Variants in ADAMTS18 observed in about 807,000 individuals in gnomAD.
The protein encoded by ADAMTS18 is A disintegrin and metalloproteinase with thrombospondin motifs 18.
ADAMTS18 carries 157 observed loss-of-function variants against 165.9 expected under a neutral mutation model. The ratio of observed to expected loss-of-function variants is 0.95; its 90% CI spans 0.83 to 1.08. The LOEUF (loss-of-function observed/expected upper bound fraction) is 1.08, where lower values mean the gene tolerates loss of function less well. ADAMTS18 is among the 50% of genes least tolerant of loss of function. ADAMTS18 has a pLI of 0.00. For synonymous variants in ADAMTS18, 782 were observed against 578.2 expected, an observed-to-expected ratio of 1.35 and a Z score of -5.06; for missense variants, 2,040 against 1,534.0, an observed-to-expected ratio of 1.33 and a Z score of -5.51.
In ADAMTS18 at chr16:77,320,030, A is replaced by G. The variant is rs1157805153; in HGVS notation, c.2351T>C (p.Val784Ala). The change falls in exon 16 of 23, where the codon GTT (valine) becomes GCT (alanine). Residue 784 changes from valine to alanine, a missense_variant. Coordinates refer to ENST00000282849, the MANE Select transcript of ADAMTS18 (RefSeq NM_199355.4). The stretch of plus-strand genomic sequence containing the variant: ...TCGAACTGCGAGGTAACTGGAGGAA[A>G]CCTGCAGCTCCTGGATTTCGATGCT... ...ARSIEIQELQVSSSYLAVRSL... is the reference protein window; with the variant it reads ...ARSIEIQELQASSSYLAVRSL... 40 of 1,614,132 alleles carry G rather than the reference A, an allele frequency of 2.5e-5. No individual in the cohort carries two copies. The highest frequency in any genetic ancestry group is 3.3e-5 in the Non-Finnish European group (39 of 1,180,020).
chr16:77,332,694 A>T (rs2056209790), intron 12 of ADAMTS18, among the ~76,000 whole-genome samples: 1 of 152,108 alleles, frequency 6.6e-6, no homozygotes, highest in South Asian at 2.1e-4. Context: ...AGAGCATATA[A>T]AAGTAACATA....
intron 3 of ADAMTS18, among the ~76,000 whole-genome samples, chr16:77,386,320 A>T (rs2057107324): frequency 6.6e-6 from 1 of 152,172 alleles, no homozygotes; most frequent in Non-Finnish European, 1.5e-5. Context: ...TAGGATCCAA[A>T]TTTCTAAGGT....
At chr16:77,394,092 T>C (rs185161768) in intron 3 of ADAMTS18, among the ~76,000 whole-genome samples, 235 of 152,368 alleles carry the variant, frequency 1.5e-3, no homozygotes, top group African/African-American at 5.2e-3. Context: ...TTATAAAGAT[T>C]GATCCCCTGG....
Position 77,402,430 on chromosome 16 carries a change from C to T in ADAMTS18, c.495+28865G>A, listed in dbSNP as rs535452991. 2.6e-3 allele frequency among the ~76,000 whole-genome samples: 389 copies of T among 152,246 alleles called. 1 individual carries two copies. The highest frequency in any genetic ancestry group is 8.9e-3 in the African/African-American group (369 of 41,548). On this transcript the variant is annotated intron_variant, in intron 3 of 22. Transcript: ENST00000282849. ...AACACCCTTCTACGTGTGTTAGGTT[C>T]TAACATAGAGAGGGCTTTTCCAGGC...
chr16:77,359,051 C>T (rs896391550), intron 8 of ADAMTS18, among the ~76,000 whole-genome samples: 5 of 152,062 alleles, frequency 3.3e-5, no homozygotes, highest in African/African-American at 1.2e-4. Flanking sequence ...AAAACATGAA[C>T]AAAAATAAAC....
chr16:77,409,777 GT>G lies in ADAMTS18; in HGVS notation c.495+21517del, dbSNP rs564554230. 2.0e-3 allele frequency among the ~76,000 whole-genome samples: 310 copies of G among 152,122 alleles called. 2 individuals carry two copies. The highest frequency in any genetic ancestry group is 6.7e-3 in the African/African-American group (278 of 41,502). ...ATGGGAGGAAAAATGCTCCATTTTG[GT>G]TCAAATGCTTAATAGAAATCTTTCT... On this transcript the variant is annotated intron_variant, in intron 3 of 22. Transcript: ENST00000282849.
At chr16:77,334,727 A>ATAGTATATAGTATATATACTG (rs2056267010) in intron 12 of ADAMTS18, among the ~76,000 whole-genome samples, 14 of 73,422 alleles carry the variant, frequency 1.9e-4, no homozygotes, top group South Asian at 8.4e-4. Flanking sequence ...GTATACTACT[A>ATAGTATATAGTATATATACTG]TATACTATAG....
chr16:77,371,690 T>C (rs2056878492), intron 3 of ADAMTS18, among the ~76,000 whole-genome samples: 2 of 152,050 alleles, frequency 1.3e-5, no homozygotes, highest in African/African-American at 4.8e-5. Flanking sequence ...ATAGGGAAAA[T>C]ACTTCATGAC....
At chr16:77,394,344 C>T (rs2057229061) in intron 3 of ADAMTS18, among the ~76,000 whole-genome samples, 1 of 152,066 alleles carries the variant, frequency 6.6e-6, no homozygotes, top group African/African-American at 2.4e-5. Context: ...TGACATTTTT[C>T]AGTTATATAT....
chr16:77,347,230 C>T (rs891717040), intron 10 of ADAMTS18, among the ~76,000 whole-genome samples: 3 of 152,166 alleles, frequency 2.0e-5, no homozygotes, highest in East Asian at 3.9e-4. Flanking sequence ...TAGTCTTTGG[C>T]TTCTATGAAT....
Position 77,399,742 on chromosome 16 carries a change from CT to C in ADAMTS18, c.495+31552del, listed in dbSNP as rs573368246. ...AGCATTCAAAACATGTCAATAGCTA[CT>C]ATTCAGGATGCAACCATGACTTATA... On this transcript the variant is annotated intron_variant, in intron 3 of 22. Transcript: ENST00000282849. Among the ~76,000 whole-genome samples, 140 of 152,244 alleles carry C rather than the reference CT, an allele frequency of 9.2e-4. No homozygotes were observed. The South Asian group carries it at 0.029, about 31-fold the overall frequency.
In ADAMTS18 at chr16:77,332,749, C is replaced by A. The variant is rs13335670; in HGVS notation, c.1859+3007G>T. 3.1e-3 allele frequency among the ~76,000 whole-genome samples: 466 copies of A among 152,260 alleles called. 6 individuals carry two copies. The highest frequency in any genetic ancestry group is 0.011 in the African/African-American group (452 of 41,554). On this transcript the variant is annotated intron_variant, in intron 12 of 22. Coordinates refer to ENST00000282849, the MANE Select transcript of ADAMTS18 (RefSeq NM_199355.4). ...AGAGCACAAACTGCAGTTCAGACTC[C>A]AGTATGACCAGACCAAAGAGTGCCC...
At position 77,434,813 on chromosome 16, in the gene ADAMTS18, A is replaced by T; in HGVS notation, c.-118T>A. ...CGCCCCAGGTGCGGCTCCAGGTGAG[A>T]GCCGCCGCCGTTCACATCGCAGCGG... On this transcript the variant is annotated 5_prime_UTR_variant, in exon 1 of 23. Coordinates refer to ENST00000282849, the MANE Select transcript of ADAMTS18 (RefSeq NM_199355.4). 1 of 853,806 alleles carries T rather than the reference A, an allele frequency of 1.2e-6. No individual in the cohort carries two copies. The highest frequency in any genetic ancestry group is 1.6e-6 in the Non-Finnish European group (1 of 633,028). The allele number at this position is 853,806 out of a possible 1,614,324, so 52.9% of individuals were successfully genotyped here.
At chr16:77,342,199 T>C (rs1357734036) in intron 10 of ADAMTS18, among the ~76,000 whole-genome samples, 2 of 152,132 alleles carry the variant, frequency 1.3e-5, no homozygotes, top group African/African-American at 2.4e-5. Context: ...TATGGACATG[T>C]TATGGAATCC....
chr16:77,428,640 T>A (rs1597264246), intron 3 of ADAMTS18, among the ~76,000 whole-genome samples: 1 of 152,148 alleles, frequency 6.6e-6, no homozygotes, highest in Non-Finnish European at 1.5e-5. Context: ...GCTGAACATA[T>A]ACAAGTTGAG....
At chr16:77,433,492 A>C (rs2057763324) in intron 2 of ADAMTS18, 1 of 152,226 alleles carries the variant, frequency 6.6e-6, no homozygotes, top group African/African-American at 2.4e-5. Flanking sequence ...AGGTCCTTAC[A>C]AGGTTGTGGC....
At chr16:77,355,407 T>C (rs1297644656) in intron 9 of ADAMTS18, among the ~76,000 whole-genome samples, 1 of 152,168 alleles carries the variant, frequency 6.6e-6, no homozygotes, top group Admixed American at 6.5e-5. Context: ...TCAAACATAA[T>C]AGTCAAAGAA....
At chr16:77,419,947 C>G (rs755549453) in intron 3 of ADAMTS18, among the ~76,000 whole-genome samples, 1 of 148,254 alleles carries the variant, frequency 6.7e-6, no homozygotes, top group Non-Finnish European at 1.5e-5. Context: ...TGCAGTAAAC[C>G]GCATCACGCC....
chr16:77,314,753 C>CCTATATATATATATATATATAT (rs1555511655), intron 16 of ADAMTS18, among the ~76,000 whole-genome samples: 1 of 36,902 alleles, frequency 2.7e-5, no homozygotes, highest in Non-Finnish European at 5.4e-5. Flanking sequence ...TCTCAGGTTT[C>CCTATATATATATATATATATAT]ATATATATAT....
Sources: gnomAD v4.1 joint callset for allele counts (sites outside exome capture counted in the v4.1 genomes callset) on GRCh38, gnomAD v4.1.1 for gene constraint, MANE v1.5 for transcripts, NCBI Gene and HGNC (gene_info 2026-07-23, HGNC 2026-07-21) for gene names.